Variants in GSPT1 observed in about 807,000 individuals in gnomAD.
GSPT1 encodes the protein eukaryotic peptide chain release factor GTP-binding subunit ERF3A.
A neutral mutation model predicts 72.5 loss-of-function variants in GSPT1; 20 were observed. The observed-to-expected ratio is 0.28, with a 90% CI of 0.19 to 0.40. The LOEUF (loss-of-function observed/expected upper bound fraction) is 0.40. Among genes scored for constraint, GSPT1 ranks in the 10% least tolerant of loss-of-function variants. The probability of loss-of-function intolerance (pLI) is 1.00; values close to 1 mark genes in which losing one functional copy is unlikely to be tolerated. For synonymous variants in GSPT1, 334 were observed against 293.5 expected (o/e 1.14, Z -1.41); for missense variants, 580 against 811.9 (o/e 0.71, Z 3.47).
rs374514453 is a variant in GSPT1, at chr16:11,886,770, C to T, written c.1112+7G>A. The T allele has an allele frequency of 5.6e-5, 90 of 1,611,794 alleles. No homozygotes were observed. In the African/African-American group the frequency reaches 7.9e-4, roughly 14 times the overall value. On this transcript the variant is annotated splice_region_variant and intron_variant, in intron 8 of 14. Coordinates refer to ENST00000434724, the MANE Select transcript of GSPT1 (RefSeq NM_002094.4). ...ACTAACATAAAATACCAGACATCTA[C>T]GCTCACCTCTCATTGCTCCAATTTA...
intron 1 of GSPT1, among the ~76,000 whole-genome samples, chr16:11,914,433 T>C (rs1189490040): frequency 6.6e-6 from 1 of 152,210 alleles, no homozygotes; most frequent in Non-Finnish European, 1.5e-5. Flanking sequence ...AAACCAAAGT[T>C]AACTCGAAAT....
In GSPT1 at chr16:11,895,076, A is replaced by G. The variant is rs962670653; in HGVS notation, c.665-89T>C. ...ACAACAGCACCCTTTAACATACATAATTAAATCTTCCATATGAATTTGGGG... is the reference window on the plus strand; with the variant it reads ...ACAACAGCACCCTTTAACATACATAGTTAAATCTTCCATATGAATTTGGGG... On this transcript the variant is annotated intron_variant, in intron 4 of 14. Coordinates refer to ENST00000434724, the MANE Select transcript of GSPT1 (RefSeq NM_002094.4). The G allele has an allele frequency of 5.2e-6, 4 of 770,628 alleles. No individual in the cohort carries two copies. In the African/African-American group the frequency reaches 6.9e-5, roughly 13 times the overall value. 47.7% of individuals were successfully genotyped at this position (770,628 alleles called of 1,614,324 possible).
intron 11 of GSPT1, among the ~76,000 whole-genome samples, chr16:11,878,254 T>G (rs925684129): frequency 1.3e-5 from 2 of 152,170 alleles, no homozygotes; most frequent in African/African-American, 4.8e-5. Context: ...TAGCTGGGAT[T>G]ACAGGCACCC....
At chr16:11,914,978 T>G in intron 1 of GSPT1, 1 of 1,284,686 alleles carries the variant, frequency 7.8e-7, no homozygotes, top group Non-Finnish European at 1.0e-6. Context: ...CTGGGATCTC[T>G]AAACGCCCAC....
chr16:11,885,311 A>G lies in GSPT1; in HGVS notation c.1254-37T>C, dbSNP rs780377510. On this transcript the variant is annotated intron_variant, in intron 9 of 14. Coordinates refer to ENST00000434724, the MANE Select transcript of GSPT1 (RefSeq NM_002094.4). ...ACAACAAAGCCATTAAAGGAAGTCA[A>G]CATAAATATCAAAATGTTAAGTTAC... 3.1e-6 allele frequency: 3 copies of G among 969,880 alleles called. No homozygotes were observed. The African/African-American group carries it at 4.8e-5, about 15-fold the overall frequency. 60.1% of individuals were successfully genotyped at this position (969,880 alleles called of 1,614,324 possible).
chr16:11,894,401 T>G (rs941192452), intron 5 of GSPT1, among the ~76,000 whole-genome samples: 2 of 152,074 alleles, frequency 1.3e-5, no homozygotes, highest in Admixed American at 1.3e-4. Context: ...TATCTTAGCA[T>G]TTTAGCTAGT....
chr16:11,873,102 G>A lies in GSPT1; in HGVS notation c.*17C>T. The A allele has an allele frequency of 6.6e-7, 1 of 1,509,918 alleles. No homozygotes were observed. Among genetic ancestry groups the A allele is most frequent in the Non-Finnish European group, 9.2e-7 (1 of 1,085,650 alleles). 93.5% of individuals were successfully genotyped at this position (1,509,918 alleles called of 1,614,324 possible). A position where few individuals can be genotyped will look rare whatever the true frequency, so the allele number is the denominator to read the frequency against. The stretch of plus-strand genomic sequence containing the variant: ...CAATTTTCCTCACAGTATTGTGCAG[G>A]GTCATCAAGAAAATGCTTAGTCTTT... On this transcript the variant is annotated 3_prime_UTR_variant, in exon 15 of 15. Coordinates refer to ENST00000434724, the MANE Select transcript of GSPT1 (RefSeq NM_002094.4).
rs1249356282 is a variant in GSPT1, at chr16:11,870,727, G to A, written c.*2392C>T. The A allele has an allele frequency of 2.0e-5, 3 of 152,194 alleles. No individual in the cohort carries two copies. The highest frequency in any genetic ancestry group is 4.4e-5 in the Non-Finnish European group (3 of 68,036). The allele number at this position is 152,194 out of a possible 1,614,324, so 9.4% of individuals were successfully genotyped here. A position where few individuals can be genotyped will look rare whatever the true frequency, so the allele number is the denominator to read the frequency against. ...TTTCAAAGCCCATAGAACTTATGTT[G>A]CTGGTTAATTTTAGCACTGAAATTT... is the stretch of plus-strand genomic sequence containing the variant. On this transcript the variant is annotated 3_prime_UTR_variant, in exon 15 of 15. Coordinates refer to ENST00000434724, the MANE Select transcript of GSPT1 (RefSeq NM_002094.4).
At chr16:11,887,086 T>A (rs1187276828) in intron 7 of GSPT1, 155 bp from the exon 8 acceptor site, 7 of 586,594 alleles carry the variant, frequency 1.2e-5, no homozygotes, top group East Asian at 5.8e-5. Flanking sequence ...CTTTTGAATG[T>A]CACAAATCAA....
intron 1 of GSPT1, among the ~76,000 whole-genome samples, chr16:11,910,404 A>G (rs1452032562): frequency 6.6e-6 from 1 of 152,114 alleles, no homozygotes; most frequent in Non-Finnish European, 1.5e-5. Flanking sequence ...TCAGGACCAC[A>G]ATTTATTCAT....
intron 1 of GSPT1, among the ~76,000 whole-genome samples, chr16:11,909,695 C>T (rs71385110): frequency 2.9e-3 from 443 of 152,218 alleles, no homozygotes; most frequent in South Asian, 9.7e-3. Flanking sequence ...GAGGCCGAGA[C>T]GGGTGGATCA....
rs770511991 is a variant in GSPT1, at chr16:11,886,454, A to G, written c.1253+17T>C. ...CATCCTTTTCCTTTTTAAAAAAAGG[A>G]AAAAACAGTTACTTACATGTACCAA... On this transcript the variant is annotated intron_variant, in intron 9 of 14. Transcript: ENST00000434724. The G allele has an allele frequency of 1.9e-6, 3 of 1,581,884 alleles. No homozygotes were observed. In the East Asian group the frequency reaches 6.7e-5, roughly 35 times the overall value.
intron 1 of GSPT1, among the ~76,000 whole-genome samples, chr16:11,911,631 C>T (rs1384452654): frequency 6.7e-6 from 1 of 149,712 alleles, no homozygotes; most frequent in African/African-American, 2.5e-5. Flanking sequence ...CGGCTCACTG[C>T]AACCTCCGCC....
intron 1 of GSPT1, chr16:11,915,057 T>C (rs748812560): frequency 3.2e-5 from 41 of 1,291,224 alleles, no homozygotes; most frequent in Middle Eastern, 4.2e-4. Flanking sequence ...CGGCCCCCAC[T>C]CCGTTCCATA....
intron 1 of GSPT1, 51 bp from the exon 2 acceptor site, chr16:11,898,086 T>G: frequency 3.3e-6 from 4 of 1,199,568 alleles, no homozygotes; most frequent in Non-Finnish European, 4.8e-6. Flanking sequence ...TCCATCCATT[T>G]CACTTATCTT....
intron 1 of GSPT1, among the ~76,000 whole-genome samples, chr16:11,904,349 C>T (rs954664410): frequency 1.8e-4 from 28 of 152,070 alleles, no homozygotes; most frequent in Admixed American, 1.3e-3. Context: ...ACTACAGGCG[C>T]GCGCCACCAC....
intron 1 of GSPT1, 55 bp from the exon 2 acceptor site, chr16:11,898,090 T>G: frequency 8.9e-7 from 1 of 1,120,964 alleles, no homozygotes; most frequent in Non-Finnish European, 1.3e-6. Flanking sequence ...TCCATTTCAC[T>G]TATCTTTTAA....
intron 5 of GSPT1, among the ~76,000 whole-genome samples, chr16:11,891,360 A>G (rs939579569): frequency 1.4e-5 from 2 of 144,172 alleles, no homozygotes; most frequent in Non-Finnish European, 3.0e-5. Context: ...TATTACATAT[A>G]TATATATATT....
intron 1 of GSPT1, among the ~76,000 whole-genome samples, chr16:11,905,702 G>C (rs562940858): frequency 2.6e-4 from 40 of 152,260 alleles, no homozygotes; most frequent in South Asian, 2.3e-3. Context: ...GGGTCTGCTG[G>C]CACACACCTG....
Sources: allele counts gnomAD v4.1 joint callset (sites outside exome capture counted in the v4.1 genomes callset), GRCh38; gene constraint gnomAD v4.1.1; transcripts MANE v1.5; gene names NCBI Gene and HGNC (gene_info 2026-07-23, HGNC 2026-07-21).